Variants in STPG3 observed in about 807,000 individuals in gnomAD.
STPG3 encodes the protein protein STPG3.
STPG3 carries 39 observed loss-of-function variants against 32.5 expected under a neutral mutation model. The observed-to-expected ratio is 1.20, with a 90% CI of 0.93 to 1.57. The LOEUF is 1.57. STPG3 is among the 40% of genes most tolerant of loss of function. The probability of loss-of-function intolerance (pLI) is 0.00; values close to 1 mark genes in which losing one functional copy is unlikely to be tolerated. For synonymous variants in STPG3, 209 were observed against 172.4 expected (o/e 1.21, Z -1.66); for missense variants, 507 against 407.6 (o/e 1.24, Z -2.10).
chr9:137,252,831 C>T lies in STPG3; in HGVS notation c.662C>T (p.Ser221Phe), dbSNP rs1434124552. 30 of 1,570,544 alleles carry T rather than the reference C, an allele frequency of 1.9e-5. No individual in the cohort carries two copies. The East Asian group carries it at 3.8e-4, about 20-fold the overall frequency. The stretch of plus-strand genomic sequence containing the variant: ...CAGCCCCAGTCCCTGCTTCAGGCCT[C>T]TTTGCAGGCACCTGGCAAGAGATGC... ...RVQPQSLLQA[S>F]LQAPGKRCPG... Residue 221 changes from serine (S) to phenylalanine (F), a missense_variant, in exon 5 of 6, where the codon TCT becomes TTT. Physicochemically the swap from Ser to Phe is radical, Grantham distance 155 (BLOSUM62 -2). Coordinates refer to ENST00000412566, the MANE Select transcript of STPG3 (RefSeq NM_001004353.4).
In STPG3 at chr9:137,251,698, G is replaced by T; in HGVS notation, c.111-40G>T. The T allele has an allele frequency of 3.2e-6, 5 of 1,546,878 alleles. No individual in the cohort carries two copies. In the South Asian group the frequency reaches 4.8e-5, roughly 15 times the overall value. ...GGCTGTGGGGCATGTGGCTGGGAGC[G>T]GCCGGGGGCTGAGACAGTGGCTGCT... On this transcript the variant is annotated intron_variant, in intron 1 of 5. Coordinates refer to ENST00000412566, the MANE Select transcript of STPG3 (RefSeq NM_001004353.4).
Position 137,253,329 on chromosome 9 carries a change from C to G in STPG3, c.*84C>G. On this transcript the variant is annotated 3_prime_UTR_variant, in exon 6 of 6. Coordinates refer to ENST00000412566, the MANE Select transcript of STPG3 (RefSeq NM_001004353.4). Reference sequence around the variant, plus strand: ...GGGCTTTCCCAGGCCTCCCCTGGGACTTGGGGCCCCAGCCTGGCCTTCTGA... The same window carrying G: ...GGGCTTTCCCAGGCCTCCCCTGGGAGTTGGGGCCCCAGCCTGGCCTTCTGA... 1.9e-6 allele frequency: 3 copies of G among 1,549,930 alleles called. No individual in the cohort carries two copies. The highest frequency in any genetic ancestry group is 2.6e-6 in the Non-Finnish European group (3 of 1,147,890).
rs1227745830 is a variant in STPG3 at position 137,251,887 on chromosome 9, G to C, written c.260G>C (p.Arg87Thr). 6.2e-7 allele frequency: 1 copy of C among 1,607,700 alleles called. No homozygotes were observed. The highest frequency in any genetic ancestry group is 8.5e-7 in the Non-Finnish European group (1 of 1,177,312). The change falls in exon 2 of 6, where the codon AGG (arginine) becomes ACG (threonine). Residue 87 changes from arginine (R) to threonine (T), a missense_variant. Coordinates refer to ENST00000412566, the MANE Select transcript of STPG3 (RefSeq NM_001004353.4). ...CTGCCCACCTACACCCAGACCCTGA[G>C]GGAACTATGTGAGTGAGGGTCCTGG... ...ESLPTYTQTLRELLLEQRPLI... is the reference protein window; with the variant it reads ...ESLPTYTQTLTELLLEQRPLI...
At chr9:137,252,600 G>T (rs1009762280) in intron 4 of STPG3, 62 bp from the exon 5 acceptor site, 12 of 1,513,230 alleles carry the variant, frequency 7.9e-6, no homozygotes, top group Non-Finnish European at 8.9e-6. Context: ...GGCCAAAGGG[G>T]GGCTGGCTGA....
In STPG3 at chr9:137,252,073, C is replaced by T. The variant is rs143046453; in HGVS notation, c.341C>T (p.Pro114Leu). Residue 114 changes from proline (P) to leucine (L), a missense_variant, in exon 3 of 6, where the codon CCG becomes CTG. By Grantham distance (98) the Pro-to-Leu change is moderately conservative. Transcript: ENST00000412566. ...PSPTRYQVPS[P>L]SVRESSPHPH... ...CCCACCAGGTACCAGGTGCCGAGCC[C>T]GTCCGTACGAGAGTCCTCCCCACAC... 4.3e-4 allele frequency: 692 copies of T among 1,613,010 alleles called. 5 individuals are homozygous for T. The African/African-American group carries it at 8.1e-3, about 19-fold the overall frequency.
Position 137,252,132 on chromosome 9 carries a change from C to A in STPG3, c.400C>A (p.Arg134=), listed in dbSNP as rs375821259. ...HYSIGCKHQG[R]EGGGRRAWQT... ...CAGCATCGGCTGCAAGCACCAGGGC[C>A]GAGGTGTGTGTCCCCTCCCTGAGGC... The change falls in exon 3 of 6, where the codon CGA becomes AGA. Residue 134 remains arginine (R), a synonymous_variant. Transcript: ENST00000412566. 6.2e-7 allele frequency: 1 copy of A among 1,608,320 alleles called. No homozygotes were observed. Among genetic ancestry groups the A allele is most frequent in the Admixed American group, 1.7e-5 (1 of 59,842 alleles).
At position 137,251,773 on chromosome 9, in the gene STPG3, C is replaced by T. The variant is rs746830820; in HGVS notation, c.146C>T (p.Pro49Leu). ...KASVLLLGPE[P>L]GMAWDETQPP... is the part of the protein sequence containing the mutation. ...TCTGTGCTGTTGTTGGGCCCGGAGCCGGGGATGGCCTGGGATGAGACACAG... is the reference window on the plus strand; with the variant it reads ...TCTGTGCTGTTGTTGGGCCCGGAGCTGGGGATGGCCTGGGATGAGACACAG... Residue 49 changes from proline to leucine, a missense_variant, in exon 2 of 6, where the codon CCG (proline) becomes CTG (leucine). Coordinates refer to ENST00000412566, the MANE Select transcript of STPG3 (RefSeq NM_001004353.4). 23 of 1,586,958 alleles carry T rather than the reference C, an allele frequency of 1.4e-5. No individual in the cohort carries two copies. Among genetic ancestry groups the T allele is most frequent in the African/African-American group, 1.3e-5 (1 of 74,236 alleles).
At position 137,253,278 on chromosome 9, in the gene STPG3, A is replaced by ACCGAGTGGAACCATGGCCTCCC; in HGVS notation, c.*37_*58dup. The ACCGAGTGGAACCATGGCCTCCC allele has an allele frequency of 6.3e-7, 1 of 1,585,576 alleles. No individual in the cohort carries two copies. The highest frequency in any genetic ancestry group is 8.6e-7 in the Non-Finnish European group (1 of 1,166,960). ...TGGGCACAACCTGCTTGGCCCGGCC[A>ACCGAGTGGAACCATGGCCTCCC]CCGAGTGGAACCATGGCCTCCCCCG... is the stretch of plus-strand genomic sequence containing the variant. On this transcript the variant is annotated 3_prime_UTR_variant, in exon 6 of 6. Coordinates refer to ENST00000412566, the MANE Select transcript of STPG3 (RefSeq NM_001004353.4).
Position 137,253,281 on chromosome 9 carries a change from G to C in STPG3, c.*36G>C. 3 of 1,585,876 alleles carry C rather than the reference G, an allele frequency of 1.9e-6. No individual in the cohort carries two copies. The highest frequency in any genetic ancestry group is 2.6e-6 in the Non-Finnish European group (3 of 1,167,100). On this transcript the variant is annotated 3_prime_UTR_variant, in exon 6 of 6. Coordinates refer to ENST00000412566, the MANE Select transcript of STPG3 (RefSeq NM_001004353.4). ...GCACAACCTGCTTGGCCCGGCCACC[G>C]AGTGGAACCATGGCCTCCCCCGGGG...
At chr9:137,252,270 C>T in intron 3 of STPG3, 135 bp downstream of exon 3, 1 of 1,370,674 alleles carries the variant, frequency 7.3e-7, no homozygotes, top group Non-Finnish European at 1.0e-6. Flanking sequence ...CTAGGCTCAG[C>T]ACCTGTAAGG....
Position 137,252,524 on chromosome 9 carries a change from A to C in STPG3, c.491A>C (p.Lys164Thr). 9.6e-7 allele frequency: 1 copy of C among 1,042,712 alleles called. No individual in the cohort carries two copies. Among genetic ancestry groups the C allele is most frequent in the Non-Finnish European group, 1.3e-6 (1 of 782,662 alleles). The allele number at this position is 1,042,712 out of a possible 1,614,324, so 64.6% of individuals were successfully genotyped here. Residue 164 changes from lysine to threonine, a missense_variant and splice_region_variant, in exon 4 of 6, where the codon AAG becomes ACG. Transcript: ENST00000412566. Reference protein sequence around the residue: ...TQKADFDQEQKWPSPAHYQLL... With the variant: ...TQKADFDQEQTWPSPAHYQLL... ...AAAGCTGACTTCGACCAAGAGCAAA[A>C]GGTTGGGGGCTGGGCAGGAAGGGGG...
rs1407378890 is a variant in STPG3, at chr9:137,252,510, C to T, written c.477C>T (p.Phe159=). The change falls in exon 4 of 6, where the codon TTC becomes TTT. Residue 159 remains phenylalanine, a synonymous_variant. Transcript: ENST00000412566. The stretch of plus-strand genomic sequence containing the variant: ...GCCCCTTCACGCAGAAAGCTGACTT[C>T]GACCAAGAGCAAAAGGTTGGGGGCT... ...SESPFTQKAD[F]DQEQKWPSPA... 3.7e-6 allele frequency: 6 copies of T among 1,601,682 alleles called. No individual in the cohort carries two copies. Among genetic ancestry groups the T allele is most frequent in the African/African-American group, 2.7e-5 (2 of 73,454 alleles).
Position 137,253,248 on chromosome 9 carries a change from C to A in STPG3, c.*3C>A, listed in dbSNP as rs1588881371. 1 of 1,604,200 alleles carries A rather than the reference C, an allele frequency of 6.2e-7. No homozygotes were observed. The highest frequency in any genetic ancestry group is 2.3e-5 in the East Asian group (1 of 44,394). On this transcript the variant is annotated 3_prime_UTR_variant, in exon 6 of 6. Transcript: ENST00000412566. ...CAGGCCCCTTCTGCACGCTCTAGAG[C>A]CAGCTGGGCACAACCTGCTTGGCCC...
Position 137,252,531 on chromosome 9 carries a change from G to A in STPG3, c.492+6G>A, listed in dbSNP as rs147298733. The A allele has an allele frequency of 5.0e-4, 798 of 1,586,478 alleles. No individual in the cohort carries two copies. In the African/African-American group the frequency reaches 9.3e-3, roughly 19 times the overall value. ...ACTTCGACCAAGAGCAAAAGGTTGG[G>A]GGCTGGGCAGGAAGGGGGCGGGGAG... On this transcript the variant is annotated splice_donor_region_variant and intron_variant, in intron 4 of 5. Coordinates refer to ENST00000412566, the MANE Select transcript of STPG3 (RefSeq NM_001004353.4).
Position 137,253,433 on chromosome 9 carries a change from C to A in STPG3, c.*188C>A, listed in dbSNP as rs887447504. On this transcript the variant is annotated 3_prime_UTR_variant, in exon 6 of 6. Coordinates refer to ENST00000412566, the MANE Select transcript of STPG3 (RefSeq NM_001004353.4). ...TGGACAAGGCTGGCCCAGCCTGGATCCCCCATCTGCCCATCTCCCCGCTAC... is the reference window on the plus strand; with the variant it reads ...TGGACAAGGCTGGCCCAGCCTGGATACCCCATCTGCCCATCTCCCCGCTAC... 1.4e-6 allele frequency: 2 copies of A among 1,441,688 alleles called. No individual in the cohort carries two copies. Among genetic ancestry groups the A allele is most frequent in the Non-Finnish European group, 9.1e-7 (1 of 1,100,216 alleles). The allele number at this position is 1,441,688 out of a possible 1,614,324, so 89.3% of individuals were successfully genotyped here.
intron 1 of STPG3, 96 bp downstream of exon 1, chr9:137,251,492 G>C: frequency 9.3e-7 from 1 of 1,070,778 alleles, no homozygotes; most frequent in Non-Finnish European, 1.4e-6. Context: ...CAGGCGGCTG[G>C]GGGACTGAGG....
chr9:137,251,958 C>T (rs771430538), intron 2 of STPG3, 43 bp from the exon 3 acceptor site: 34 of 1,597,872 alleles, frequency 2.1e-5, no homozygotes, highest in Non-Finnish European at 2.4e-5. Flanking sequence ...GGGAGGGGCC[C>T]GCTGAAAGGA....
Position 137,251,790 on chromosome 9 carries a change from G to A in STPG3, c.163G>A (p.Glu55Lys), listed in dbSNP as rs201055445. The change falls in exon 2 of 6, where the codon GAG becomes AAG. Residue 55 changes from glutamate to lysine, a missense_variant. Transcript: ENST00000412566. Reference protein sequence around the residue: ...LGPEPGMAWDETQPPKMKEIP... With the variant: ...LGPEPGMAWDKTQPPKMKEIP... ...CCCGGAGCCGGGGATGGCCTGGGAT[G>A]AGACACAGCCCCCAAAGATGAAGGA... 213 of 1,594,730 alleles carry A rather than the reference G, an allele frequency of 1.3e-4. No homozygotes were observed. Among genetic ancestry groups the A allele is most frequent in the Admixed American group, 1.9e-4 (11 of 57,028 alleles).
chr9:137,252,796 C>T lies in STPG3; in HGVS notation c.627C>T (p.Gly209=). ...GGCTGCCTGGGGCTAGGGGGCTGGG[C>T]CTCAGGGTGCAGCCCCAGTCCCTGC... ...HLGLPGARGL[G]LRVQPQSLLQ... Residue 209 remains glycine, a synonymous_variant, in exon 5 of 6, where the codon GGC becomes GGT. Coordinates refer to ENST00000412566, the MANE Select transcript of STPG3 (RefSeq NM_001004353.4). The T allele has an allele frequency of 6.4e-7, 1 of 1,563,090 alleles. No homozygotes were observed.
Sources: allele counts gnomAD v4.1 joint callset, GRCh38; gene constraint gnomAD v4.1.1; transcripts MANE v1.5; gene names NCBI Gene and HGNC (gene_info 2026-07-23, HGNC 2026-07-21).